The following DGKI variants were observed in gnomAD, a reference collection of about 807,000 sequenced individuals.
DGKI encodes the protein DAG kinase iota.
Under a neutral mutation model 147.5 loss-of-function variants are expected in DGKI, and 55 were observed. That is an observed-to-expected ratio of 0.37 (90% CI 0.30 to 0.47). The LOEUF (loss-of-function observed/expected upper bound fraction) is 0.47. Among genes scored for constraint, DGKI ranks in the 20% least tolerant of loss-of-function variants. DGKI has a pLI of 1.00. For synonymous variants in DGKI, 469 were observed against 477.1 expected (o/e 0.98, Z 0.22); for missense variants, 1,007 against 1,323.8 (o/e 0.76, Z 3.71).
intron 1 of DGKI, among the ~76,000 whole-genome samples, chr7:137,834,680 T>G (rs767486306): frequency 1.1e-4 from 17 of 152,214 alleles, no homozygotes; most frequent in Non-Finnish European, 1.9e-4. Flanking sequence ...AACAACAAAG[T>G]TTGCTCCCTT....
intron 20 of DGKI, among the ~76,000 whole-genome samples, chr7:137,536,068 A>T (rs969561285): frequency 2.0e-5 from 3 of 151,714 alleles, no homozygotes; most frequent in African/African-American, 7.3e-5. Flanking sequence ...CTTCATAATC[A>T]AGTTTCTTTT....
chr7:137,567,758 AT>A (rs1818638977), intron 19 of DGKI, among the ~76,000 whole-genome samples: 1 of 152,128 alleles, frequency 6.6e-6, no homozygotes, highest in Non-Finnish European at 1.5e-5. Context: ...AGGTACTATT[AT>A]TTTCATTTTT....
chr7:137,487,753 T>A (rs1215019775), intron 21 of DGKI, 64 bp from the exon 22 acceptor site: 1 of 1,454,348 alleles, frequency 6.9e-7, no homozygotes, highest in African/African-American at 1.4e-5. Flanking sequence ...TCAGCATAAA[T>A]GTGTTTCTCG....
intron 2 of DGKI, among the ~76,000 whole-genome samples, chr7:137,681,429 C>T (rs996811499): frequency 2.4e-4 from 37 of 152,176 alleles, no homozygotes; most frequent in Non-Finnish European, 3.7e-4. Context: ...GGCACTTCTT[C>T]GCAAGGTATC....
intron 20 of DGKI, among the ~76,000 whole-genome samples, chr7:137,541,285 C>T (rs1817695501): frequency 6.6e-6 from 1 of 152,120 alleles, no homozygotes; most frequent in Non-Finnish European, 1.5e-5. Context: ...ATAATCAGTT[C>T]TCCATTTCTG....
intron 10 of DGKI, among the ~76,000 whole-genome samples, chr7:137,606,170 G>A (rs1420487795): frequency 5.3e-5 from 8 of 151,900 alleles, no homozygotes; most frequent in South Asian, 2.1e-4. Flanking sequence ...GTCCTTACAC[G>A]GTTCATCCCA....
chr7:137,512,845 G>T (rs1450201923), intron 21 of DGKI, among the ~76,000 whole-genome samples: 1 of 152,104 alleles, frequency 6.6e-6, no homozygotes, highest in Non-Finnish European at 1.5e-5. Flanking sequence ...TGGCAAAAAA[G>T]TTTATATTAA....
intron 23 of DGKI, among the ~76,000 whole-genome samples, chr7:137,473,731 T>C (rs913258002): frequency 1.3e-5 from 2 of 152,154 alleles, no homozygotes; most frequent in African/African-American, 4.8e-5. Context: ...ACTCAACTTT[T>C]TGCTTATTTC....
chr7:137,502,717 C>T (rs1208676949), intron 21 of DGKI, among the ~76,000 whole-genome samples: 4 of 152,120 alleles, frequency 2.6e-5, no homozygotes, highest in Admixed American at 6.6e-5. Flanking sequence ...AGATAACATG[C>T]CCTAAATATT....
At chr7:137,484,535 G>C (rs1815484996) in intron 23 of DGKI, among the ~76,000 whole-genome samples, 1 of 152,016 alleles carries the variant, frequency 6.6e-6, no homozygotes, top group African/African-American at 2.4e-5. Flanking sequence ...AGATAAAAGG[G>C]CTTTAATGAG....
chr7:137,598,006 G>T, intron 11 of DGKI, 99 bp from the exon 12 acceptor site: 1 of 1,016,074 alleles, frequency 9.8e-7, no homozygotes, highest in Non-Finnish European at 1.5e-6. Flanking sequence ...GGTGGTGTCC[G>T]CTGGAGAAAA....
intron 28 of DGKI, among the ~76,000 whole-genome samples, chr7:137,420,071 T>C (rs1459032200): frequency 6.6e-6 from 1 of 152,222 alleles, no homozygotes; most frequent in Non-Finnish European, 1.5e-5. Flanking sequence ...CCAGTTCAAA[T>C]ATGATCAGAC....
intron 19 of DGKI, among the ~76,000 whole-genome samples, chr7:137,562,078 A>T (rs951825154): frequency 3.3e-5 from 5 of 152,234 alleles, no homozygotes; most frequent in Non-Finnish European, 1.5e-5. Flanking sequence ...TTGGATCAAC[A>T]GGAAGGAGTG....
chr7:137,544,354 T>C (rs1171316044), intron 20 of DGKI, among the ~76,000 whole-genome samples: 3 of 152,078 alleles, frequency 2.0e-5, no homozygotes, highest in Admixed American at 6.5e-5. Flanking sequence ...CTATATAGAA[T>C]ATAGAATTTT....
chr7:137,707,379 G>A (rs1389946315), intron 1 of DGKI, among the ~76,000 whole-genome samples: 1 of 152,220 alleles, frequency 6.6e-6, no homozygotes, highest in East Asian at 1.9e-4. Context: ...GGTAGCTTTA[G>A]TGCGCTCCAT....
chr7:137,602,181 C>T (rs558856196), intron 10 of DGKI, among the ~76,000 whole-genome samples: 4 of 152,180 alleles, frequency 2.6e-5, no homozygotes, highest in Non-Finnish European at 5.9e-5. Flanking sequence ...GTTTTAGATT[C>T]CTAGAGTAGT....
chr7:137,657,636 G>A (rs917247878), intron 3 of DGKI, among the ~76,000 whole-genome samples: 18 of 152,198 alleles, frequency 1.2e-4, no homozygotes, highest in African/African-American at 4.1e-4. Flanking sequence ...CTGTCTGTCA[G>A]ATGGGCTATC....
intron 1 of DGKI, among the ~76,000 whole-genome samples, chr7:137,776,655 A>C (rs1796371508): frequency 6.6e-6 from 1 of 152,206 alleles, no homozygotes; most frequent in Non-Finnish European, 1.5e-5. Context: ...TGTATTATCT[A>C]TTTCATATAA....
chr7:137,460,776 A>AT (rs955158772), intron 27 of DGKI, among the ~76,000 whole-genome samples: 8 of 152,172 alleles, frequency 5.3e-5, no homozygotes, highest in Non-Finnish European at 7.4e-5. Flanking sequence ...ATAAAACAAT[A>AT]TTTTTTACAC....
Sources: allele counts gnomAD v4.1 joint callset (sites outside exome capture counted in the v4.1 genomes callset), GRCh38; gene constraint gnomAD v4.1.1; transcripts MANE v1.5; gene names NCBI Gene and HGNC (gene_info 2026-07-23, HGNC 2026-07-21).